The following PPFIBP2 variants were observed in gnomAD, a reference collection of about 807,000 sequenced individuals.
PPFIBP2 encodes the protein PPFIB scaffold protein 2.
PPFIBP2 carries 118 observed loss-of-function variants against 118.3 expected under a neutral mutation model. That is an observed-to-expected ratio of 1.00 (90% CI 0.86 to 1.16). The LOEUF (loss-of-function observed/expected upper bound fraction) is 1.16, where lower values mean the gene tolerates loss of function less well. Among genes scored for constraint, PPFIBP2 ranks in the 50% most tolerant of loss-of-function variants. PPFIBP2 has a pLI of 0.00. For missense variants in PPFIBP2, 1,195 were observed against 1,073.1 expected (o/e 1.11, Z -1.59); for synonymous variants, 414 against 397.4 (o/e 1.04, Z -0.50).
intron 5 of PPFIBP2, among the ~76,000 whole-genome samples, chr11:7,603,203 A>G (rs1411551017): frequency 6.6e-6 from 1 of 152,240 alleles, no homozygotes; most frequent in African/African-American, 2.4e-5. Flanking sequence ...AATTTTTCAA[A>G]TATTCCCCAA....
Position 7,642,353 on chromosome 11 carries a change from T to G in PPFIBP2, c.1573T>G (p.Phe525Val). 6.2e-7 allele frequency: 1 copy of G among 1,614,026 alleles called. No homozygotes were observed. Among genetic ancestry groups the G allele is most frequent in the South Asian group, 1.1e-5 (1 of 91,062 alleles). ...CACTGACACGCTGGGGATGGCAGAGTTTCGACGAGGTGGGCTCCGGGCAAC... is the reference window on the plus strand; with the variant it reads ...CACTGACACGCTGGGGATGGCAGAGGTTCGACGAGGTGGGCTCCGGGCAAC... ...FYTDTLGMAE[F>V]RRGGLRATAG... Residue 525 changes from phenylalanine to valine, a missense_variant, in exon 17 of 24, where the codon TTT becomes GTT. Phe to Val is a conservative substitution (Grantham distance 50, BLOSUM62 -1). Coordinates refer to ENST00000299492, the MANE Select transcript of PPFIBP2 (RefSeq NM_003621.5).
chr11:7,565,526 T>G (rs1854867746), intron 2 of PPFIBP2, 27 bp from the exon 3 acceptor site: 6 of 1,612,524 alleles, frequency 3.7e-6, no homozygotes, highest in Non-Finnish European at 5.1e-6. Context: ...CCCTTCTTAC[T>G]GAGTTTTCAC....
chr11:7,559,557 G>A (rs922987308), intron 2 of PPFIBP2, among the ~76,000 whole-genome samples: 1 of 152,154 alleles, frequency 6.6e-6, no homozygotes, highest in Non-Finnish European at 1.5e-5. Context: ...CCAGTGGTAT[G>A]CAGAGGCCTG....
rs769684413 is a variant in PPFIBP2 at position 7,651,842 on chromosome 11, C to T, written c.2434C>T (p.Arg812Trp). The T allele has an allele frequency of 2.2e-5, 35 of 1,607,502 alleles. No individual in the cohort carries two copies. The East Asian group carries it at 3.1e-4, about 14-fold the overall frequency. The change falls in exon 23 of 24, where the codon CGG becomes TGG. Residue 812 changes from arginine to tryptophan, a missense_variant and splice_region_variant. Arg to Trp is a moderately radical substitution (Grantham distance 101). Coordinates refer to ENST00000299492, the MANE Select transcript of PPFIBP2 (RefSeq NM_003621.5). ...YTPLTTTAKV[R>W]PRKLGFSHFG... ...ACCACTGACCACCACAGCCAAAGTC[C>T]GGGTGAGTTGCAGAGCCTTTCTGGG...
At chr11:7,651,517 TG>T in intron 22 of PPFIBP2, 138 bp from the exon 23 acceptor site, 1 of 698,158 alleles carries the variant, frequency 1.4e-6, no homozygotes, top group Non-Finnish European at 2.4e-6. Context: ...GTGAGTGGAG[TG>T]GGACTCAGAA....
intron 1 of PPFIBP2, among the ~76,000 whole-genome samples, chr11:7,529,767 C>A (rs1352564679): frequency 6.6e-6 from 1 of 152,246 alleles, no homozygotes; most frequent in African/African-American, 2.4e-5. Context: ...ATAACTCGGC[C>A]TGTTCACTGT....
At chr11:7,656,228 C>A (rs934108324), downstream of PPFIBP2, among the ~76,000 whole-genome samples, 3 of 152,152 alleles carry the variant, frequency 2.0e-5, no homozygotes, top group African/African-American at 7.2e-5. Flanking sequence ...CTCCCAAGGC[C>A]TTTTAGTTCT....
intron 7 of PPFIBP2, among the ~76,000 whole-genome samples, chr11:7,622,368 G>T (rs533862328): frequency 6.6e-6 from 1 of 152,192 alleles, no homozygotes; most frequent in South Asian, 2.1e-4. Flanking sequence ...CTCCAATATC[G>T]GGGATTACAA....
chr11:7,593,215 CAT>C lies in PPFIBP2; in HGVS notation c.366_367del (p.Leu123AlafsTer34). On this transcript the variant is annotated frameshift_variant, in exon 4 of 24. Coordinates refer to ENST00000299492, the MANE Select transcript of PPFIBP2 (RefSeq NM_003621.5). LOFTEE classifies it high-confidence loss of function. ...ARLEGDKESL[I>X]LQVSVLTDQV... The stretch of plus-strand genomic sequence containing the variant: ...GTCTAGAAGGGGATAAGGAGTCCCT[CAT>C]ATTGCAGGTGGGTACTTTTTGGTGA... 1 of 1,613,940 alleles carries C rather than the reference CAT, an allele frequency of 6.2e-7. No individual in the cohort carries two copies. The highest frequency in any genetic ancestry group is 1.3e-5 in the African/African-American group (1 of 75,026).
rs1461953910 is a variant in PPFIBP2, at chr11:7,616,403, C to A, written c.619-4532C>A. Among the ~76,000 whole-genome samples, 4 of 152,150 alleles carry A rather than the reference C, an allele frequency of 2.6e-5. No homozygotes were observed. Among genetic ancestry groups the A allele is most frequent in the Non-Finnish European group, 5.9e-5 (4 of 68,028 alleles). On this transcript the variant is annotated intron_variant, in intron 6 of 23. Transcript: ENST00000299492. The surrounding 1 kb of genome is among the most constrained non-coding windows in gnomAD (Gnocchi z 5.2). The stretch of plus-strand genomic sequence containing the variant: ...TAGTCTGTTGAGTTTGGGGCCAACT[C>A]TATGATGGTTTGCAAGAAGGGAGGA...
intron 1 of PPFIBP2, among the ~76,000 whole-genome samples, chr11:7,520,264 C>G (rs1157726564): frequency 2.0e-5 from 3 of 152,160 alleles, no homozygotes; most frequent in Non-Finnish European, 2.9e-5. Flanking sequence ...GAGGTAGCTG[C>G]TACGTGGTAC....
chr11:7,665,350 A>G, the PPFIBP2 span: 3 of 1,483,108 alleles, frequency 2.0e-6, no homozygotes, highest in Admixed American at 2.5e-5. Context: ...AGGGACATGC[A>G]AAATTGCTGA....
intron 7 of PPFIBP2, among the ~76,000 whole-genome samples, chr11:7,622,683 C>A (rs1382524791): frequency 1.3e-5 from 2 of 152,122 alleles, no homozygotes; most frequent in Non-Finnish European, 2.9e-5. Flanking sequence ...GGCAGTCAGA[C>A]CCATCTGTGT....
intron 3 of PPFIBP2, among the ~76,000 whole-genome samples, chr11:7,592,156 T>C (rs1216435225): frequency 6.6e-6 from 1 of 152,126 alleles, no homozygotes; most frequent in East Asian, 1.9e-4. Flanking sequence ...ATCTACTTTT[T>C]CAAACTGCCA....
chr11:7,641,599 G>A lies in PPFIBP2; in HGVS notation c.1496G>A (p.Gly499Asp), dbSNP rs1852207751. Residue 499 changes from glycine to aspartate, a missense_variant, in exon 16 of 24, where the codon GGC becomes GAC. Gly to Asp is a moderately conservative substitution (Grantham distance 94, BLOSUM62 -1). Coordinates refer to ENST00000299492, the MANE Select transcript of PPFIBP2 (RefSeq NM_003621.5). The stretch of plus-strand genomic sequence containing the variant: ...CCAGATGGTAAACGGAATCCCAAAG[G>A]CATTAAGAAGTTCTGGGGAAAGTAA... ...LTPDGKRNPK[G>D]IKKFWGKIRR... is the part of the protein sequence containing the mutation. The A allele has an allele frequency of 1.2e-6, 2 of 1,613,998 alleles. No individual in the cohort carries two copies. The highest frequency in any genetic ancestry group is 1.7e-6 in the Non-Finnish European group (2 of 1,179,910).
chr11:7,656,833 G>T (rs747406223), downstream of PPFIBP2: 77 of 1,287,894 alleles, frequency 6.0e-5, 1 homozygote, highest in South Asian at 9.3e-4. Flanking sequence ...GGAGGCATGT[G>T]TGGGGGCCCC....
intron 6 of PPFIBP2, among the ~76,000 whole-genome samples, chr11:7,618,885 G>GTTT (rs36101082): frequency 1.4e-3 from 176 of 124,524 alleles, no homozygotes; most frequent in East Asian, 0.01. Flanking sequence ...CCATCCAGAA[G>GTTT]TTTTTTTTTT....
chr11:7,649,769 T>C, intron 21 of PPFIBP2, 115 bp downstream of exon 21: 1 of 1,435,514 alleles, frequency 7.0e-7, no homozygotes, highest in Non-Finnish European at 9.5e-7. Flanking sequence ...CCATGGTGCC[T>C]GGGATTCTTT....
chr11:7,584,874 C>T (rs1275588664), intron 3 of PPFIBP2, among the ~76,000 whole-genome samples: 2 of 152,210 alleles, frequency 1.3e-5, no homozygotes, highest in Admixed American at 1.3e-4. Flanking sequence ...TGCCCTGTGC[C>T]TGGCAGCTAT....
Sources: gnomAD v4.1 joint callset for allele counts (sites outside exome capture counted in the v4.1 genomes callset) on GRCh38, gnomAD v4.1.1 for gene constraint, Gnocchi (gnomAD v3.1) non-coding constraint, MANE v1.5 for transcripts, NCBI Gene and HGNC (gene_info 2026-07-23, HGNC 2026-07-21) for gene names.